The following CSMD2 variants were observed in gnomAD, a reference collection of about 807,000 sequenced individuals.
The protein encoded by CSMD2 is CUB and sushi domain-containing protein 2.
In CSMD2, 130 loss-of-function variants were observed where a neutral mutation model predicts 398.5. The ratio of observed to expected loss-of-function variants is 0.33; its 90% CI spans 0.28 to 0.38. CSMD2 has a LOEUF of 0.38. CSMD2 is among the 10% of genes least tolerant of loss of function. The pLI is 1.00. For missense variants in CSMD2, 3,829 were observed against 4,764.9 expected (o/e 0.80, Z 5.78); for synonymous variants, 1,828 against 1,908.5 (o/e 0.96, Z 1.10).
rs971889829 is a variant in CSMD2, at chr1:34,164,201, C to T, written c.187+710G>A. Among the ~76,000 whole-genome samples the T allele has an allele frequency of 6.6e-6, 1 of 151,902 alleles. No homozygotes were observed. The highest frequency in any genetic ancestry group is 2.4e-5 in the African/African-American group (1 of 41,388). On this transcript the variant is annotated intron_variant, in intron 1 of 70. Coordinates refer to ENST00000373381, the MANE Select transcript of CSMD2 (RefSeq NM_001281956.2). The surrounding 1 kb of genome is among the most constrained non-coding windows in gnomAD (Gnocchi z 6.2). ...GCGGCACTCCCTCCCCCGCCTCGGG[C>T]TACAACCCCCACCCCCTCCTTCCCA...
At chr1:33,667,961 TA>T (rs144668324) in intron 25 of CSMD2, among the ~76,000 whole-genome samples, 1 of 152,060 alleles carries the variant, frequency 6.6e-6, no homozygotes, top group East Asian at 1.9e-4. Flanking sequence ...ACAAACTCAC[TA>T]AAAAATTATC....
Position 34,163,984 on chromosome 1 carries a change from C to T in CSMD2, c.187+927G>A, listed in dbSNP as rs950216620. Among the ~76,000 whole-genome samples, 6 of 152,142 alleles carry T rather than the reference C, an allele frequency of 3.9e-5. No individual in the cohort carries two copies. Among genetic ancestry groups the T allele is most frequent in the African/African-American group, 1.4e-4 (6 of 41,450 alleles). ...GCGCTGCAAGCTGCAGCCAGACACC[C>T]GCGAAGTTCCGGGACTCTCCGCACC... On this transcript the variant is annotated intron_variant, in intron 1 of 70. Transcript: ENST00000373381. This position sits in a 1 kb window ranked among gnomAD's most constrained non-coding sequence, Gnocchi z 5.4.
chr1:33,995,435 A>G (rs1195936753), intron 3 of CSMD2, among the ~76,000 whole-genome samples: 1 of 152,210 alleles, frequency 6.6e-6, no homozygotes, highest in South Asian at 2.1e-4. Flanking sequence ...GCTCTGGGAC[A>G]TCGGACCTTG....
chr1:33,649,059 A>AT (rs2148957386), intron 28 of CSMD2, among the ~76,000 whole-genome samples: 1 of 152,294 alleles, frequency 6.6e-6, no homozygotes, highest in African/African-American at 2.4e-5. Flanking sequence ...CTTAAATTCA[A>AT]TTTTTCCACA....
chr1:34,118,628 A>T (rs1052220493), intron 1 of CSMD2, among the ~76,000 whole-genome samples: 1 of 152,210 alleles, frequency 6.6e-6, no homozygotes, highest in African/African-American at 2.4e-5. Context: ...TCTAAAAAGG[A>T]GATTTGTTTT....
chr1:33,773,993 C>T (rs1651624402), intron 12 of CSMD2, among the ~76,000 whole-genome samples: 1 of 152,104 alleles, frequency 6.6e-6, no homozygotes, highest in Non-Finnish European at 1.5e-5. Context: ...CTGGGCAGCT[C>T]CAGGCACTGC....
At chr1:33,969,558 C>A (rs1050098009) in intron 3 of CSMD2, among the ~76,000 whole-genome samples, 2 of 152,188 alleles carry the variant, frequency 1.3e-5, no homozygotes, top group African/African-American at 4.8e-5. Context: ...TGGACCCTAC[C>A]TGCAGCCTTG....
chr1:33,743,889 C>T (rs1342287694), intron 13 of CSMD2, among the ~76,000 whole-genome samples: 3 of 152,166 alleles, frequency 2.0e-5, no homozygotes, highest in East Asian at 1.9e-4. Flanking sequence ...ACCTAGGATG[C>T]GGCCCAGATT....
chr1:33,906,923 C>A (rs561983810), intron 5 of CSMD2, among the ~76,000 whole-genome samples: 1 of 151,982 alleles, frequency 6.6e-6, no homozygotes, highest in East Asian at 1.9e-4. Context: ...CCAGAGAGAT[C>A]CAAGAAGAAT....
In CSMD2 at chr1:34,082,461, C is replaced by T. The variant is rs1046490598; in HGVS notation, c.404+6516G>A. On this transcript the variant is annotated intron_variant, in intron 2 of 70. Transcript: ENST00000373381. ...GCCGCCCCATCTGAGAGGTGAGGGG[C>T]GCCCACGCCCGGCAGCCACCCTGTC... Among the ~76,000 whole-genome samples, 7 of 151,584 alleles carry T rather than the reference C, an allele frequency of 4.6e-5. No individual in the cohort carries two copies. The East Asian group carries it at 9.9e-4, about 21-fold the overall frequency.
chr1:34,124,669 A>T (rs1321757615), intron 1 of CSMD2, among the ~76,000 whole-genome samples: 1 of 152,224 alleles, frequency 6.6e-6, no homozygotes, highest in African/African-American at 2.4e-5. Flanking sequence ...CGAGGTTGGC[A>T]TCCCAACTTA....
intron 21 of CSMD2, among the ~76,000 whole-genome samples, chr1:33,709,704 A>G (rs978898785): frequency 6.6e-6 from 1 of 152,206 alleles, no homozygotes; most frequent in South Asian, 2.1e-4. Context: ...AGGGGGCAAG[A>G]TCACATCATA....
In CSMD2 at chr1:33,557,741, C is replaced by G; in HGVS notation, c.8736G>C (p.Gln2912His). 2 of 1,535,880 alleles carry G rather than the reference C, an allele frequency of 1.3e-6. No individual in the cohort carries two copies. Among genetic ancestry groups the G allele is most frequent in the Non-Finnish European group, 1.7e-6 (2 of 1,146,848 alleles). The change falls in exon 55 of 71, where the codon CAG becomes CAC. Residue 2912 changes from glutamine to histidine, a missense_variant. Physicochemically the swap from Gln to His is conservative, Grantham distance 24. Coordinates refer to ENST00000373381, the MANE Select transcript of CSMD2 (RefSeq NM_001281956.2). Reference sequence around the variant, plus strand: ...CAGGTGACATCTACTTACAGAGACACTGGGGGCGGGGACGGTCCCATGTGC... The same window carrying G: ...CAGGTGACATCTACTTACAGAGACAGTGGGGGCGGGGACGGTCCCATGTGC... Reference protein sequence around the residue: ...GDGTWDRPRPQCLLVSCGHPG... With the variant: ...GDGTWDRPRPHCLLVSCGHPG...
At chr1:33,797,751 T>G (rs1655117629) in intron 10 of CSMD2, among the ~76,000 whole-genome samples, 1 of 152,174 alleles carries the variant, frequency 6.6e-6, no homozygotes, top group Admixed American at 6.5e-5. Flanking sequence ...AGGAAGGGCC[T>G]GGGCTCTGCA....
intron 3 of CSMD2, among the ~76,000 whole-genome samples, chr1:33,945,568 GA>G (rs1644814295): frequency 6.6e-6 from 1 of 152,142 alleles, no homozygotes; most frequent in African/African-American, 2.4e-5. Context: ...TAGGACCTGA[GA>G]AGGTTTGGGA....
At position 33,665,570 on chromosome 1, in the gene CSMD2, C is replaced by T. The variant is rs190910942; in HGVS notation, c.4053-2478G>A. Among the ~76,000 whole-genome samples, 215 of 147,706 alleles carry T rather than the reference C, an allele frequency of 1.5e-3. 1 individual carries two copies. The highest frequency in any genetic ancestry group is 2.5e-3 in the Non-Finnish European group (165 of 67,234). On this transcript the variant is annotated intron_variant, in intron 25 of 70. Coordinates refer to ENST00000373381, the MANE Select transcript of CSMD2 (RefSeq NM_001281956.2). ...ACAACCTCCTGAGTAGCTGGGACCA[C>T]AGTTAACATGCCACCATGTTTGACT...
rs1279447130 is a variant in CSMD2 at position 33,555,252 on chromosome 1, A to G, written c.8743+2482T>C. On this transcript the variant is annotated intron_variant, in intron 55 of 70. Coordinates refer to ENST00000373381, the MANE Select transcript of CSMD2 (RefSeq NM_001281956.2). ...TGGTAAAAGTAGCAAGAGAACTAGA[A>G]TTAGAAGTGGAGCCTGAAGATGTGA... Among the ~76,000 whole-genome samples, 6 of 152,300 alleles carry G rather than the reference A, an allele frequency of 3.9e-5. No homozygotes were observed. The East Asian group carries it at 1.2e-3, about 29-fold the overall frequency.
chr1:34,082,243 C>T lies in CSMD2; in HGVS notation c.404+6734G>A, dbSNP rs368559864. Among the ~76,000 whole-genome samples the T allele has an allele frequency of 1.6e-4, 24 of 149,784 alleles. No homozygotes were observed. The East Asian group carries it at 2.4e-3, about 15-fold the overall frequency. On this transcript the variant is annotated intron_variant, in intron 2 of 70. Coordinates refer to ENST00000373381, the MANE Select transcript of CSMD2 (RefSeq NM_001281956.2). ...AGTGAGGAGCGCCTCTGCCCGGCCG[C>T]GACCCCGTCTGGGAACTGAGGAGCG...
At chr1:33,929,498 C>A (rs967530005) in intron 4 of CSMD2, among the ~76,000 whole-genome samples, 10 of 138,600 alleles carry the variant, frequency 7.2e-5, no homozygotes, top group South Asian at 2.3e-4. Context: ...AGTGCAGTGG[C>A]ATGATCTCAG....
Sources: allele counts gnomAD v4.1 joint callset (sites outside exome capture counted in the v4.1 genomes callset), GRCh38; gene constraint gnomAD v4.1.1; non-coding constraint Gnocchi (gnomAD v3.1); transcripts MANE v1.5; gene names NCBI Gene and HGNC (gene_info 2026-07-23, HGNC 2026-07-21).